DOCK8: variants seen among roughly 807,000 people sequenced by gnomAD.
DOCK8 encodes dedicator of cytokinesis protein 8.
In DOCK8, 141 loss-of-function variants were observed where a neutral mutation model predicts 245.6. That is an observed-to-expected ratio of 0.57 (90% CI 0.50 to 0.66). DOCK8 has a LOEUF of 0.66. Ranked by LOEUF, DOCK8 falls within the 30% of genes least tolerant of loss-of-function variation. DOCK8 has a pLI of 0.00. For missense variants in DOCK8, 2,965 were observed against 2,603.4 expected (o/e 1.14, Z -3.02); for synonymous variants, 1,168 against 970.2 (o/e 1.20, Z -3.79).
chr9:248,197 C>T (rs1308016259), intron 1 of DOCK8, among the ~76,000 whole-genome samples: 1 of 152,202 alleles, frequency 6.6e-6, no homozygotes, highest in African/African-American at 2.4e-5. Flanking sequence ...TGGGCTTTGC[C>T]CCTCAAGCAC....
chr9:357,870 T>G (rs575298457), intron 14 of DOCK8, among the ~76,000 whole-genome samples: 1 of 152,350 alleles, frequency 6.6e-6, no homozygotes, highest in Non-Finnish European at 1.5e-5. Flanking sequence ...GACAGAATGT[T>G]CTCTTCAACC....
chr9:231,584 T>C (rs1265339335), intron 1 of DOCK8, among the ~76,000 whole-genome samples: 1 of 152,164 alleles, frequency 6.6e-6, no homozygotes, highest in Non-Finnish European at 1.5e-5. Context: ...CATTGAGCAG[T>C]GGTTTGTAGT....
At chr9:211,644 G>C (rs1415863117), upstream of DOCK8, among the ~76,000 whole-genome samples, 2 of 152,152 alleles carry the variant, frequency 1.3e-5, no homozygotes, top group Non-Finnish European at 2.9e-5. Flanking sequence ...ACCTTGGTAG[G>C]TGATTAGATC....
At chr9:454,128 GA>G (rs1408641778) in intron 46 of DOCK8, among the ~76,000 whole-genome samples, 2 of 152,208 alleles carry the variant, frequency 1.3e-5, no homozygotes, top group African/African-American at 2.4e-5. Flanking sequence ...AGGCGTTATG[GA>G]AAAACACCAC....
chr9:265,437 G>T (rs543300), intron 1 of DOCK8, among the ~76,000 whole-genome samples: 79,968 of 152,006 alleles, frequency 0.53, 21,356 homozygotes, highest in East Asian at 0.79. Context: ...TCATTAATAC[G>T]TATCACTAGC....
At chr9:382,718 C>A in intron 22 of DOCK8, 33 bp downstream of exon 22, 1 of 1,611,626 alleles carries the variant, frequency 6.2e-7, no homozygotes, top group Non-Finnish European at 8.5e-7. Flanking sequence ...GAAGGGGACA[C>A]AGGCTTTTTT....
At chr9:390,342 A>G in intron 23 of DOCK8, 129 bp from the exon 24 acceptor site, 1 of 846,348 alleles carries the variant, frequency 1.2e-6, no homozygotes, top group South Asian at 1.4e-5. Context: ...TACTGCCTAG[A>G]ACATCTAAGA....
intron 1 of DOCK8, among the ~76,000 whole-genome samples, chr9:244,485 T>C (rs1046960909): frequency 1.3e-5 from 2 of 152,140 alleles, no homozygotes; most frequent in African/African-American, 2.4e-5. Context: ...TGTTTCTTCC[T>C]AGTACTTGTC....
In DOCK8 at chr9:414,864, C is replaced by G; in HGVS notation, c.3613C>G (p.Pro1205Ala). The G allele has an allele frequency of 6.2e-7, 1 of 1,614,206 alleles. No individual in the cohort carries two copies. The highest frequency in any genetic ancestry group is 8.5e-7 in the Non-Finnish European group (1 of 1,180,032). ...SHDLDPRCVK[P>A]EVKVKIAALY... ...CGACCTGGACCCACGCTGTGTCAAA[C>G]CAGAGGTGAAGGTCAAAATCGCCGC... The change falls in exon 29 of 48, where the codon CCA (proline) becomes GCA (alanine). Residue 1205 changes from proline (P) to alanine (A), a missense_variant. This residue lies in a region of DOCK8 where 2,825 missense variants were observed against 2,453.5 expected (regional missense o/e 1.15). Coordinates refer to ENST00000432829, the MANE Select transcript of DOCK8 (RefSeq NM_203447.4).
At chr9:244,173 G>A (rs1208127428) in intron 1 of DOCK8, among the ~76,000 whole-genome samples, 1 of 134,744 alleles carries the variant, frequency 7.4e-6, no homozygotes, top group Non-Finnish European at 1.5e-5. Flanking sequence ...GGGTGACAGA[G>A]CCAGACTCCG....
rs1210509918 is a variant in DOCK8 at position 420,588 on chromosome 9, G to A, written c.4023+5G>A. The stretch of plus-strand genomic sequence containing the variant: ...GTGTTATGTTTTGAGTATAAGGTAA[G>A]TCTGGAGTGGCACAACTTTATACCA... On this transcript the variant is annotated splice_donor_5th_base_variant and intron_variant, in intron 31 of 47. Coordinates refer to ENST00000432829, the MANE Select transcript of DOCK8 (RefSeq NM_203447.4). The A allele has an allele frequency of 1.2e-6, 2 of 1,614,034 alleles. No homozygotes were observed. Among genetic ancestry groups the A allele is most frequent in the Admixed American group, 3.3e-5 (2 of 60,002 alleles).
At chr9:371,868 C>A (rs1453326545) in intron 17 of DOCK8, among the ~76,000 whole-genome samples, 1 of 152,042 alleles carries the variant, frequency 6.6e-6, no homozygotes, top group Non-Finnish European at 1.5e-5. Flanking sequence ...AGCTTTGTCC[C>A]CCAAGAAGAA....
chr9:418,254 C>G, intron 30 of DOCK8, 47 bp downstream of exon 30: 6 of 1,610,748 alleles, frequency 3.7e-6, no homozygotes, highest in Non-Finnish European at 4.2e-6. Context: ...TTCATGTCTT[C>G]TGTCTTCTGT....
intron 28 of DOCK8, among the ~76,000 whole-genome samples, chr9:410,472 A>G (rs4741869): frequency 0.43 from 65,593 of 151,790 alleles, 14,891 homozygotes; most frequent in African/African-American, 0.56. Flanking sequence ...GCTGCTTTCT[A>G]TTTGTGGGTA....
At chr9:248,558 TC>T (rs1393974316) in intron 1 of DOCK8, among the ~76,000 whole-genome samples, 14 of 121,048 alleles carry the variant, frequency 1.2e-4, no homozygotes, top group African/African-American at 5.1e-4. Context: ...TCTCTCTCTC[TC>T]TCTTTCTTTC....
intron 26 of DOCK8, among the ~76,000 whole-genome samples, chr9:400,569 C>T (rs1470470116): frequency 2.0e-5 from 2 of 100,672 alleles, no homozygotes; most frequent in Admixed American, 9.5e-5. Flanking sequence ...ACCATCACCA[C>T]CACCACCTCC....
At chr9:278,352 A>G (rs2048441680) in intron 2 of DOCK8, among the ~76,000 whole-genome samples, 1 of 152,262 alleles carries the variant, frequency 6.6e-6, no homozygotes, top group Non-Finnish European at 1.5e-5. Context: ...TACTGCCTTC[A>G]GCTTCGTTTA....
intron 2 of DOCK8, among the ~76,000 whole-genome samples, chr9:274,909 T>C (rs1204780300): frequency 6.6e-6 from 1 of 152,228 alleles, no homozygotes; most frequent in Non-Finnish European, 1.5e-5. Context: ...AATGGCCCAC[T>C]TGCTGATACA....
intron 11 of DOCK8, among the ~76,000 whole-genome samples, chr9:335,726 A>T (rs1011147575): frequency 1.3e-5 from 2 of 152,156 alleles, no homozygotes; most frequent in African/African-American, 4.8e-5. Context: ...GGATAACCTG[A>T]CAACAGAGAC....
Sources: gnomAD v4.1 joint callset for allele counts (sites outside exome capture counted in the v4.1 genomes callset) on GRCh38, gnomAD v4.1.1 for gene constraint, gnomAD v4.1.1 regional missense constraint, MANE v1.5 for transcripts, NCBI Gene and HGNC (gene_info 2026-07-23, HGNC 2026-07-21) for gene names.